GPHN: variants seen among roughly 807,000 people sequenced by gnomAD.
GPHN encodes the protein gephyrin.
Under a neutral mutation model 95.5 loss-of-function variants are expected in GPHN, and 17 were observed. The ratio of observed to expected loss-of-function variants is 0.18; its 90% CI spans 0.12 to 0.27. The LOEUF is 0.27. Among genes scored for constraint, GPHN ranks in the 10% least tolerant of loss-of-function variants. The pLI is 1.00. For missense variants in GPHN, 660 were observed against 978.1 expected (o/e 0.67, Z 4.34); for synonymous variants, 320 against 322.5 (o/e 0.99, Z 0.08).
chr14:67,618,319 C>G, the GPHN span, among the ~76,000 whole-genome samples: 1 of 152,068 alleles, frequency 6.6e-6, no homozygotes, highest in Non-Finnish European at 1.5e-5. Flanking sequence ...GCACTTCTAA[C>G]AAGTATCTGG....
chr14:66,859,772 G>A (rs1317591494), intron 4 of GPHN, among the ~76,000 whole-genome samples: 1 of 152,170 alleles, frequency 6.6e-6, no homozygotes, highest in African/African-American at 2.4e-5. Flanking sequence ...TTAGCAAAGA[G>A]ATTGAAATAA....
At chr14:67,172,428 C>T (rs890204708) in intron 21 of GPHN, among the ~76,000 whole-genome samples, 5 of 152,154 alleles carry the variant, frequency 3.3e-5, no homozygotes, top group African/African-American at 1.2e-4. Flanking sequence ...TAATCATGCA[C>T]TCTAGTACCT....
At chr14:66,633,817 G>A (rs1481208792) in intron 1 of GPHN, among the ~76,000 whole-genome samples, 1 of 152,038 alleles carries the variant, frequency 6.6e-6, no homozygotes, top group Non-Finnish European at 1.5e-5. Flanking sequence ...ATTATTTTGG[G>A]TTTCTCTCAT....
At chr14:67,722,579 A>C in the GPHN span, 1 of 1,400,566 alleles carries the variant, frequency 7.1e-7, no homozygotes, top group African/African-American at 1.4e-5. Context: ...CAGGAACCTG[A>C]GCCAGAGCTG....
At chr14:67,456,904 T>A in the GPHN span, among the ~76,000 whole-genome samples, 22 of 152,002 alleles carry the variant, frequency 1.4e-4, no homozygotes, top group Non-Finnish European at 2.8e-4. Flanking sequence ...GTGGAGTGGA[T>A]AAAGAAAATG....
At chr14:67,055,221 C>T (rs1251168703) in intron 10 of GPHN, among the ~76,000 whole-genome samples, 1 of 151,868 alleles carries the variant, frequency 6.6e-6, no homozygotes, top group Non-Finnish European at 1.5e-5. Context: ...CCAGAATCTA[C>T]AAGAAAAAAA....
intron 8 of GPHN, among the ~76,000 whole-genome samples, chr14:66,938,354 A>G (rs529128141): frequency 6.6e-6 from 1 of 152,296 alleles, no homozygotes; most frequent in Non-Finnish European, 1.5e-5. Context: ...AAAGAAGAAA[A>G]AGAGCTTCCT....
At chr14:67,528,681 C>T in the GPHN span, among the ~76,000 whole-genome samples, 1 of 152,176 alleles carries the variant, frequency 6.6e-6, no homozygotes, top group Non-Finnish European at 1.5e-5. Context: ...CCCATTAAGC[C>T]CCCATTCACC....
intron 4 of GPHN, 59 bp from the exon 5 acceptor site, chr14:66,879,880 C>A: frequency 1.9e-6 from 2 of 1,064,098 alleles, no homozygotes; most frequent in South Asian, 1.3e-5. Flanking sequence ...TTTTACTAGT[C>A]TGACTTCATT....
At chr14:67,439,032 A>G in the GPHN span, among the ~76,000 whole-genome samples, 1 of 152,146 alleles carries the variant, frequency 6.6e-6, no homozygotes, top group South Asian at 2.1e-4. Flanking sequence ...AAATGATAGG[A>G]TGTGGGACCA....
the GPHN span, among the ~76,000 whole-genome samples, chr14:67,687,426 T>C: frequency 6.6e-6 from 1 of 151,672 alleles, no homozygotes; most frequent in Non-Finnish European, 1.5e-5. Context: ...CTTTGTACAT[T>C]CTCCTCCTTC....
At chr14:67,391,977 A>G in the GPHN span, among the ~76,000 whole-genome samples, 1 of 150,768 alleles carries the variant, frequency 6.6e-6, no homozygotes. Flanking sequence ...AAGGAACAGA[A>G]GGCCAGCAAA....
At chr14:67,257,860 T>C in the GPHN span, among the ~76,000 whole-genome samples, 3 of 152,286 alleles carry the variant, frequency 2.0e-5, no homozygotes, top group African/African-American at 7.2e-5. Flanking sequence ...AATTTTGTGT[T>C]ACACAACTAT....
chr14:66,916,183 A>T (rs537962493), intron 6 of GPHN, 114 bp downstream of exon 6: 2 of 723,656 alleles, frequency 2.8e-6, no homozygotes, highest in Non-Finnish European at 2.6e-6. Flanking sequence ...TCTGATACCA[A>T]TTGCAGGATT....
intron 1 of GPHN, among the ~76,000 whole-genome samples, chr14:66,662,667 T>C (rs945978969): frequency 6.6e-6 from 1 of 152,140 alleles, no homozygotes; most frequent in Non-Finnish European, 1.5e-5. Context: ...GTGGATAAAA[T>C]TGATGTTCAT....
chr14:67,343,508 C>G, the GPHN span: 1 of 1,065,346 alleles, frequency 9.4e-7, no homozygotes, highest in Non-Finnish European at 1.4e-6. Flanking sequence ...CTTGACTCCA[C>G]TAAGACTGCA....
the GPHN span, chr14:67,271,810 C>T: frequency 0.12 from 17,533 of 152,176 alleles, 1,679 homozygotes; most frequent in African/African-American, 0.27. Context: ...CGGTGGCTCA[C>T]GCCTGTAATC....
chr14:66,973,526 A>C (rs112033561), intron 9 of GPHN, among the ~76,000 whole-genome samples: 1,829 of 152,316 alleles, frequency 0.012, 19 homozygotes, highest in Non-Finnish European at 0.018. Context: ...TGGAACGCCA[A>C]GGCGGGTGGA....
chr14:67,181,236 G>C lies in GPHN; in HGVS notation c.*299G>C. 2.1e-6 allele frequency: 1 copy of C among 474,822 alleles called. No homozygotes were observed. The highest frequency in any genetic ancestry group is 3.7e-5 in the East Asian group (1 of 26,724). 29.4% of individuals were successfully genotyped at this position (474,822 alleles called of 1,614,324 possible). On this transcript the variant is annotated 3_prime_UTR_variant, in exon 23 of 23. Transcript: ENST00000478722. Reference sequence around the variant, plus strand: ...TAGCTTTTAGTAGACAGCGGTAGGTGCCTGCAGAACTTGTGTTTTTCTCAT... The same window carrying C: ...TAGCTTTTAGTAGACAGCGGTAGGTCCCTGCAGAACTTGTGTTTTTCTCAT...
Sources: allele counts gnomAD v4.1 joint callset (sites outside exome capture counted in the v4.1 genomes callset), GRCh38; gene constraint gnomAD v4.1.1; transcripts MANE v1.5; gene names NCBI Gene and HGNC (gene_info 2026-07-23, HGNC 2026-07-21).